FGD1: variants seen among roughly 807,000 people sequenced by gnomAD.
The protein encoded by FGD1 is FYVE, RhoGEF and PH domain containing 1.
Under a neutral mutation model 65.0 loss-of-function variants are expected in FGD1, and 12 were observed. That is an observed-to-expected ratio of 0.18 (90% confidence interval 0.12 to 0.30). The LOEUF (loss-of-function observed/expected upper bound fraction) is 0.30, where lower values mean the gene tolerates loss of function less well. Ranked by LOEUF, FGD1 falls within the 10% of genes least tolerant of loss-of-function variation. The probability of loss-of-function intolerance (pLI) is 1.00; values close to 1 mark genes in which losing one functional copy is unlikely to be tolerated. For synonymous variants in FGD1, 333 were observed against 343.9 expected, an observed-to-expected ratio of 0.97 and a Z score of 0.35; for missense variants, 542 against 837.6, an observed-to-expected ratio of 0.65 and a Z score of 4.36.
rs140761559 is a variant in FGD1 at position 54,491,183 on chromosome X, T to C, written c.307+3943A>G. Among the ~76,000 whole-genome samples, 440 of 111,681 alleles carry C rather than the reference T, an allele frequency of 3.9e-3. 3 individuals are homozygous for C. Among genetic ancestry groups the C allele is most frequent in the African/African-American group, 0.014 (422 of 30,707 alleles). ...CTTTGCTTCCACTGAACCTCTTACC[T>C]GAATTGTCCTCCATGTTCTTCTCTA... On this transcript the variant is annotated intron_variant, in intron 1 of 17. Coordinates refer to ENST00000375135, the MANE Select transcript of FGD1 (RefSeq NM_004463.3).
intron 1 of FGD1, among the ~76,000 whole-genome samples, chrX:54,485,091 T>C (rs1484935103): frequency 8.9e-6 from 1 of 112,876 alleles, no homozygotes. Context: ...CTTTTAGTCT[T>C]GTCTGGGGAA....
rs1312702333 is a variant in FGD1 at position 54,447,344 on chromosome X, T to C, written c.2547A>G (p.Glu849=). The change falls in exon 17 of 18, where the codon GAA becomes GAG. Residue 849 remains glutamate, a synonymous_variant. Transcript: ENST00000375135. ...HKAWFVVPEN[E]PLVLYIYGAP... ...CTCCGTAGATATACAGCACCAAGGG[T>C]TCATTTTCAGGGACCACGAACCATG... The C allele has an allele frequency of 8.3e-7, 1 of 1,211,252 alleles. No individual in the cohort carries two copies.
At position 54,445,995 on chromosome X, in the gene FGD1, G is replaced by A; in HGVS notation, c.*114C>T. On this transcript the variant is annotated 3_prime_UTR_variant, in exon 18 of 18. Transcript: ENST00000375135. ...AGACCCAGCATTCGGGATTGAAAGT[G>A]CCCGTGATGGGAGTTCAAGTATTGA... 2 of 535,463 alleles carry A rather than the reference G, an allele frequency of 3.7e-6. No individual in the cohort carries two copies. Among genetic ancestry groups the A allele is most frequent in the Non-Finnish European group, 6.1e-6 (2 of 329,240 alleles). 44.1% of individuals were successfully genotyped at this position (535,463 alleles called of 1,213,427 possible).
chrX:54,484,608 C>A (rs1441260893), intron 1 of FGD1, among the ~76,000 whole-genome samples: 4 of 106,854 alleles, frequency 3.7e-5, no homozygotes, highest in Non-Finnish European at 7.6e-5. Flanking sequence ...AACAGTGAAC[C>A]AATAGCAGAG....
intron 8 of FGD1, among the ~76,000 whole-genome samples, chrX:54,457,071 T>C (rs916007413): frequency 1.8e-5 from 2 of 111,105 alleles, no homozygotes; most frequent in Non-Finnish European, 3.8e-5. Context: ...AGAATCACAA[T>C]AGATGGAGTA....
In FGD1 at chrX:54,496,013, G is replaced by T. The variant is rs1353835495; in HGVS notation, c.-581C>A. 1 of 112,964 alleles carries T rather than the reference G, an allele frequency of 8.9e-6. No homozygotes were observed. The highest frequency in any genetic ancestry group is 1.9e-5 in the Non-Finnish European group (1 of 53,247). The allele number at this position is 112,964 out of a possible 1,213,427, so 9.3% of individuals were successfully genotyped here. ...AGAACGGCGGTGGCCGGGGGCGCGC[G>T]TGTGCGCTGCGCTTGGGCTGCGGGG... is the stretch of plus-strand genomic sequence containing the variant. On this transcript the variant is annotated 5_prime_UTR_variant, in exon 1 of 18. Coordinates refer to ENST00000375135, the MANE Select transcript of FGD1 (RefSeq NM_004463.3).
chrX:54,450,335 G>A, intron 12 of FGD1, 34 bp from the exon 13 acceptor site: 1 of 1,195,292 alleles, frequency 8.4e-7, no homozygotes, highest in Non-Finnish European at 1.1e-6. Flanking sequence ...AAGATGTTTG[G>A]TTAGGTAGGC....
Position 54,470,234 on chromosome X carries a change from C to G in FGD1, c.883G>C (p.Glu295Gln), listed in dbSNP as rs1300278283. ...IDSISSPSNS[E>Q]ETCFVSDDGP... ...TCATCACTGACGAAGCAGGTCTCCTCGCTGTTGGATGGCGAGCTGATGCTA... is the reference window on the plus strand; with the variant it reads ...TCATCACTGACGAAGCAGGTCTCCTGGCTGTTGGATGGCGAGCTGATGCTA... Residue 295 changes from glutamate to glutamine, a missense_variant, in exon 4 of 18, where the codon GAG becomes CAG. Transcript: ENST00000375135. 1 of 1,205,311 alleles carries G rather than the reference C, an allele frequency of 8.3e-7. No homozygotes were observed.
chrX:54,487,590 A>G (rs1923307559), intron 1 of FGD1, among the ~76,000 whole-genome samples: 1 of 112,773 alleles, frequency 8.9e-6, no homozygotes, highest in Non-Finnish European at 1.9e-5. Context: ...ACAGAATTTT[A>G]AAAAACTATT....
chrX:54,476,782 A>G (rs1466839882), intron 1 of FGD1, among the ~76,000 whole-genome samples: 1 of 111,004 alleles, frequency 9.0e-6, no homozygotes, highest in Non-Finnish European at 1.9e-5. Context: ...AATGCCCAGT[A>G]GAGCAGAGAT....
Position 54,467,878 on chromosome X carries a change from C to T in FGD1, c.1246G>A (p.Asp416Asn). ...TTAGAGAAGATGCCGTGGACAACGT[C>T]GGCCGGGAAGGAACTGCGGTTCCGA... ...EARNRSSFPA[D>N]VVHGIFSNIC... is the part of the protein sequence containing the mutation. Residue 416 changes from aspartate to asparagine, a missense_variant, in exon 6 of 18, where the codon GAC becomes AAC. Physicochemically the swap from Asp to Asn is conservative, Grantham distance 23 (BLOSUM62 1). Transcript: ENST00000375135. 4.3e-6 allele frequency: 5 copies of T among 1,174,938 alleles called. No individual in the cohort carries two copies. Among genetic ancestry groups the T allele is most frequent in the South Asian group, 1.9e-5 (1 of 53,081 alleles).
Position 54,456,575 on chromosome X carries a change from C to T in FGD1, c.1637-8G>A. 2.5e-6 allele frequency: 3 copies of T among 1,203,764 alleles called. No homozygotes were observed. Among genetic ancestry groups the T allele is most frequent in the Non-Finnish European group, 3.4e-6 (3 of 889,081 alleles). On this transcript the variant is annotated splice_region_variant and splice_polypyrimidine_tract_variant and intron_variant, in intron 8 of 17. Transcript: ENST00000375135. ...CGATCAGCTCCAGAGACTCTACAGG[C>T]ATAGAGGGGTGAGGTCAGATGGGGG...
At chrX:54,462,389 C>CTTT (rs1158349272) in intron 8 of FGD1, among the ~76,000 whole-genome samples, 6 of 79,556 alleles carry the variant, frequency 7.5e-5, no homozygotes, top group Non-Finnish European at 1.2e-4. Flanking sequence ...ACTTCCCATT[C>CTTT]TTTTTTTTTT....
At chrX:54,469,983 T>G in intron 4 of FGD1, 33 bp downstream of exon 4, 1 of 1,179,562 alleles carries the variant, frequency 8.5e-7, no homozygotes, top group South Asian at 1.8e-5. Context: ...GTTCTCCACA[T>G]GGACCTGCCT....
Position 54,446,721 on chromosome X carries a change from C to CTTTT in FGD1, c.2581-311_2581-308dup, listed in dbSNP as rs1226487472. 1.1e-3 allele frequency among the ~76,000 whole-genome samples: 98 copies of CTTTT among 87,675 alleles called. 1 individual carries two copies. The highest frequency in any genetic ancestry group is 3.8e-3 in the African/African-American group (87 of 23,029). 76.1% of individuals were successfully genotyped at this position (87,675 alleles called of 115,157 possible). On this transcript the variant is annotated intron_variant, in intron 17 of 17. Coordinates refer to ENST00000375135, the MANE Select transcript of FGD1 (RefSeq NM_004463.3). Reference sequence around the variant, plus strand: ...CTATGCTATTGCCCCTATCTGCATACTTTTTTTTTTTTTTTTTTTTGAGAC... The same window carrying CTTTT: ...CTATGCTATTGCCCCTATCTGCATACTTTTTTTTTTTTTTTTTTTTTTTTGAGAC...
In FGD1 at chrX:54,465,430, G is replaced by A. The variant is rs2071812; in HGVS notation, c.1636+21C>T. ...CTATTAGTGTGGAGAAGTAGGAAGG[G>A]GCCTGGGTGCACACACTCACTTTGG... On this transcript the variant is annotated intron_variant, in intron 8 of 17. Transcript: ENST00000375135. 9.4e-3 allele frequency: 11,223 copies of A among 1,196,170 alleles called. 291 individuals are homozygous for A. The East Asian group carries it at 0.1, about 11-fold the overall frequency.
In FGD1 at chrX:54,495,165, G is replaced by A. The variant is rs371740120; in HGVS notation, c.268C>T (p.Arg90Cys). 3 of 1,185,686 alleles carry A rather than the reference G, an allele frequency of 2.5e-6. No individual in the cohort carries two copies. Among genetic ancestry groups the A allele is most frequent in the African/African-American group, 3.5e-5 (2 of 56,837 alleles). The change falls in exon 1 of 18, where the codon CGC (arginine) becomes TGC (cysteine). Residue 90 changes from arginine (R) to cysteine (C), a missense_variant. Arg to Cys is a radical substitution (Grantham distance 180). This residue lies in a region of FGD1 where 297 missense variants were observed against 326.8 expected (regional missense o/e 0.91). Coordinates refer to ENST00000375135, the MANE Select transcript of FGD1 (RefSeq NM_004463.3). ...GAGCCCTCCAGGTGGTAAGAGAAGC[G>A]CAGGGCCCGGTGGTGCTGTGGACTG... ...GPSPQHHRALRFSYHLEGSQP... is the reference protein window; with the variant it reads ...GPSPQHHRALCFSYHLEGSQP...
chrX:54,494,402 CT>C (rs56235590), intron 1 of FGD1, among the ~76,000 whole-genome samples: 645 of 60,697 alleles, frequency 0.011, 13 homozygotes, highest in African/African-American at 0.039. Context: ...CACCGTCTTT[CT>C]TTTTTTTTTT....
At chrX:54,460,607 G>A (rs902678034) in intron 8 of FGD1, among the ~76,000 whole-genome samples, 1 of 111,595 alleles carries the variant, frequency 9.0e-6, no homozygotes, top group Non-Finnish European at 1.9e-5. Flanking sequence ...TAGGCGTGGT[G>A]GTGGGTGCCT....
Sources: gnomAD v4.1 joint callset for allele counts (sites outside exome capture counted in the v4.1 genomes callset) on GRCh38, gnomAD v4.1.1 for gene constraint, gnomAD v4.1.1 regional missense constraint, MANE v1.5 for transcripts, NCBI Gene and HGNC (gene_info 2026-07-23, HGNC 2026-07-21) for gene names.